The following LPP variants were observed in gnomAD, a reference collection of about 807,000 sequenced individuals.
LPP encodes lipoma-preferred partner.
Under a neutral mutation model 60.4 loss-of-function variants are expected in LPP, and 38 were observed. The observed-to-expected ratio is 0.63, with a 90% CI of 0.49 to 0.83. The LOEUF (loss-of-function observed/expected upper bound fraction) is 0.83. LPP is among the 40% of genes least tolerant of loss of function. LPP has a pLI of 0.00. For synonymous variants in LPP, 328 were observed against 290.8 expected (o/e 1.13, Z -1.30); for missense variants, 902 against 783.6 (o/e 1.15, Z -1.80).
chr3:188,593,585 C>T (rs144092524), intron 6 of LPP, among the ~76,000 whole-genome samples: 3,502 of 151,864 alleles, frequency 0.023, 46 homozygotes, highest in Non-Finnish European at 0.033. Flanking sequence ...TCTTTTTTCC[C>T]ATGCTCCCCT....
chr3:188,587,662 A>G (rs1031808026), intron 6 of LPP, among the ~76,000 whole-genome samples: 9 of 152,226 alleles, frequency 5.9e-5, no homozygotes, highest in African/African-American at 1.9e-4. Context: ...TATGATTTGT[A>G]TCTGTTGAAT....
intron 6 of LPP, among the ~76,000 whole-genome samples, chr3:188,535,927 G>A (rs974522642): frequency 4.0e-5 from 6 of 151,746 alleles, no homozygotes; most frequent in Non-Finnish European, 7.4e-5. Flanking sequence ...GTTGCTTACC[G>A]AATGTACTGA....
In LPP at chr3:188,394,584, A is replaced by G. The variant is rs1965471; in HGVS notation, c.-9-11528A>G. ...TGTGTGTGTGTGTGTGTGTGTGTGTATGTATTTGTGTTTTATTTCCCCAGA... is the reference window on the plus strand; with the variant it reads ...TGTGTGTGTGTGTGTGTGTGTGTGTGTGTATTTGTGTTTTATTTCCCCAGA... On this transcript the variant is annotated intron_variant, in intron 3 of 11. Coordinates refer to ENST00000617246, the MANE Select transcript of LPP (RefSeq NM_001375462.1). Among the ~76,000 whole-genome samples the G allele has an allele frequency of 8.5e-4, 58 of 68,258 alleles. 3 individuals are homozygous for G. Among genetic ancestry groups the G allele is most frequent in the South Asian group, 4.1e-3 (8 of 1,964 alleles). The allele number at this position is 68,258 out of a possible 152,430, so 44.8% of individuals were successfully genotyped here. A position where few individuals can be genotyped will look rare whatever the true frequency, so the allele number is the denominator to read the frequency against.
chr3:188,882,796 T>C lies in LPP; in HGVS notation c.*8317T>C, dbSNP rs1439954909. 1 of 183,452 alleles carries C rather than the reference T, an allele frequency of 5.5e-6. No individual in the cohort carries two copies. The highest frequency in any genetic ancestry group is 8.9e-5 in the East Asian group (1 of 11,218). 11.4% of individuals were successfully genotyped at this position (183,452 alleles called of 1,614,324 possible). On this transcript the variant is annotated 3_prime_UTR_variant, in exon 12 of 12. Coordinates refer to ENST00000617246, the MANE Select transcript of LPP (RefSeq NM_001375462.1). ...CTCTGTCGCCCAGGCTGGAGTGCAG[T>C]GGCGCAATCTCGGCTCACTGCAAGC...
intron 6 of LPP, chr3:188,569,254 G>T (rs1171490454): frequency 6.6e-6 from 1 of 151,908 alleles, no homozygotes; most frequent in East Asian, 1.9e-4. Context: ...TCTGTACCTT[G>T]TCCTTGTAGG....
At chr3:188,846,702 A>AG (rs1189211595) in intron 9 of LPP, among the ~76,000 whole-genome samples, 70 of 150,064 alleles carry the variant, frequency 4.7e-4, no homozygotes, top group African/African-American at 1.5e-3. Context: ...AAAAAAAAAA[A>AG]AGAGAGAGAA....
chr3:188,353,630 T>C (rs1766617939), intron 3 of LPP, among the ~76,000 whole-genome samples: 1 of 152,214 alleles, frequency 6.6e-6, no homozygotes, highest in Non-Finnish European at 1.5e-5. Context: ...AGGTCTTACT[T>C]CATTGACAGT....
At chr3:188,409,991 A>G (rs1291665780) in intron 4 of LPP, among the ~76,000 whole-genome samples, 1 of 151,966 alleles carries the variant, frequency 6.6e-6, no homozygotes. Flanking sequence ...GTTCTTTACT[A>G]CCCCATACCC....
Position 188,713,020 on chromosome 3 carries a change from G to A in LPP, c.1240+4627G>A, listed in dbSNP as rs1256964948. The stretch of plus-strand genomic sequence containing the variant: ...TCGTATGCTTAAAAGTACTGGGAGA[G>A]GTACCAGAAGATCACCTCACAGATG... On this transcript the variant is annotated intron_variant, in intron 8 of 11. Coordinates refer to ENST00000617246, the MANE Select transcript of LPP (RefSeq NM_001375462.1). Among the ~76,000 whole-genome samples, 14 of 152,032 alleles carry A rather than the reference G, an allele frequency of 9.2e-5. No individual in the cohort carries two copies. In the East Asian group the frequency reaches 2.7e-3, roughly 29 times the overall value.
intron 6 of LPP, among the ~76,000 whole-genome samples, chr3:188,582,202 C>A (rs1836394954): frequency 6.8e-6 from 1 of 147,718 alleles, no homozygotes; most frequent in South Asian, 2.2e-4. Context: ...ATTCTGTCAC[C>A]CAGGCTGGAG....
chr3:188,383,348 A>G (rs976215470), intron 3 of LPP, among the ~76,000 whole-genome samples: 2 of 152,152 alleles, frequency 1.3e-5, no homozygotes, highest in Admixed American at 6.5e-5. Context: ...TTCTTTTGTC[A>G]TGTTGAATGT....
At chr3:188,203,489 TTAAATATATA>T (rs1353793560) in intron 1 of LPP, among the ~76,000 whole-genome samples, 10 of 83,286 alleles carry the variant, frequency 1.2e-4, no homozygotes, top group African/African-American at 4.8e-4. Flanking sequence ...ATATATATTT[TTAAATATATA>T]TAAATATATA....
chr3:188,877,965 TG>T lies in LPP; in HGVS notation c.*3487del, dbSNP rs2152072844. The stretch of plus-strand genomic sequence containing the variant: ...TTATCAACACTATAATTGTTCCCTA[TG>T]AAAGATTCCACAGAGATGTTTATGG... On this transcript the variant is annotated 3_prime_UTR_variant, in exon 12 of 12. Transcript: ENST00000617246. 1 of 215,116 alleles carries T rather than the reference TG, an allele frequency of 4.6e-6. No homozygotes were observed. Among genetic ancestry groups the T allele is most frequent in the African/African-American group, 2.2e-5 (1 of 44,452 alleles). 13.3% of individuals were successfully genotyped at this position (215,116 alleles called of 1,614,324 possible).
At chr3:188,283,480 A>T (rs1422685876) in intron 2 of LPP, among the ~76,000 whole-genome samples, 1 of 152,174 alleles carries the variant, frequency 6.6e-6, no homozygotes, top group Non-Finnish European at 1.5e-5. Context: ...TCCGCCTCCC[A>T]ACAGCACTGT....
intron 7 of LPP, among the ~76,000 whole-genome samples, chr3:188,676,237 G>C (rs1315513769): frequency 6.6e-6 from 1 of 152,188 alleles, no homozygotes; most frequent in Non-Finnish European, 1.5e-5. Context: ...ACATAGTGGG[G>C]AGATACACTA....
chr3:188,448,730 G>T (rs892003509), intron 4 of LPP, among the ~76,000 whole-genome samples: 20 of 152,132 alleles, frequency 1.3e-4, no homozygotes, highest in Admixed American at 1.2e-3. Context: ...ATGGCAAATG[G>T]TAGTCCTCTC....
intron 9 of LPP, among the ~76,000 whole-genome samples, chr3:188,801,675 G>A (rs1009433583): frequency 2.0e-5 from 3 of 152,150 alleles, no homozygotes; most frequent in African/African-American, 7.2e-5. Flanking sequence ...TTGACTCTTA[G>A]TACAGTGCAC....
intron 6 of LPP, among the ~76,000 whole-genome samples, chr3:188,530,995 GGGT>G (rs1481550630): frequency 2.0e-5 from 3 of 152,108 alleles, no homozygotes; most frequent in Admixed American, 6.5e-5. Flanking sequence ...ATCAGAGTTA[GGGT>G]ACAGTATTCA....
chr3:188,765,830 C>T (rs1733852941), intron 9 of LPP, among the ~76,000 whole-genome samples: 1 of 150,438 alleles, frequency 6.6e-6, no homozygotes, highest in Non-Finnish European at 1.5e-5. Context: ...GCTTGCACCA[C>T]CACGTGCAAC....
Sources: gnomAD v4.1 joint callset for allele counts (sites outside exome capture counted in the v4.1 genomes callset) on GRCh38, gnomAD v4.1.1 for gene constraint, MANE v1.5 for transcripts, NCBI Gene and HGNC (gene_info 2026-07-23, HGNC 2026-07-21) for gene names.